Variants in GALNT13 observed in about 807,000 individuals in gnomAD.
The protein encoded by GALNT13 is UDP-GalNAc:polypeptide N-acetylgalactosaminyltransferase 13.
A neutral mutation model predicts 64.2 loss-of-function variants in GALNT13; 28 were observed. The observed-to-expected ratio is 0.44, with a 90% confidence interval of 0.32 to 0.60. GALNT13 has a LOEUF of 0.60. GALNT13 is among the 20% of genes least tolerant of loss of function. The pLI, the probability that GALNT13 is intolerant of heterozygous loss-of-function variation, is 0.05. For synonymous variants in GALNT13, 214 were observed against 224.6 expected (o/e 0.95, Z 0.42); for missense variants, 577 against 669.8 (o/e 0.86, Z 1.53).
the GALNT13 span, among the ~76,000 whole-genome samples, chr2:153,399,815 A>T: frequency 6.6e-6 from 1 of 152,038 alleles, no homozygotes; most frequent in Non-Finnish European, 1.5e-5. Flanking sequence ...CAGCTTAAGG[A>T]GATTTTGGGC....
In GALNT13 at chr2:154,278,811, G is replaced by T. The variant is rs547664145; in HGVS notation, c.975+19673G>T. Among the ~76,000 whole-genome samples, 3 of 152,108 alleles carry T rather than the reference G, an allele frequency of 2.0e-5. No individual in the cohort carries two copies. In the East Asian group the frequency reaches 5.8e-4, roughly 29 times the overall value. On this transcript the variant is annotated intron_variant, in intron 8 of 12. Coordinates refer to ENST00000392825, the MANE Select transcript of GALNT13 (RefSeq NM_052917.4). ...TGGATTGTGAAAACATGTAGTGGGGGAAAAATCTTTTTAAGACATTTGCCC... is the reference window on the plus strand; with the variant it reads ...TGGATTGTGAAAACATGTAGTGGGGTAAAAATCTTTTTAAGACATTTGCCC...
intron 4 of GALNT13, among the ~76,000 whole-genome samples, chr2:154,202,273 T>G (rs967764641): frequency 6.6e-6 from 1 of 152,080 alleles, no homozygotes; most frequent in Non-Finnish European, 1.5e-5. Context: ...AGGTAATATT[T>G]GATCTAGATT....
chr2:154,307,432 T>A (rs1693799247), intron 9 of GALNT13, among the ~76,000 whole-genome samples: 1 of 152,236 alleles, frequency 6.6e-6, no homozygotes, highest in Non-Finnish European at 1.5e-5. Context: ...AATAGCTTCA[T>A]GTGTGAATAC....
the GALNT13 span, among the ~76,000 whole-genome samples, chr2:153,614,023 AAAAAG>A: frequency 2.0e-5 from 3 of 152,078 alleles, no homozygotes; most frequent in South Asian, 2.1e-4. Context: ...ATAATAAAAA[AAAAAG>A]AAAAGTGTTT....
At chr2:154,143,535 T>G (rs560266730) in intron 4 of GALNT13, among the ~76,000 whole-genome samples, 3 of 137,428 alleles carry the variant, frequency 2.2e-5, no homozygotes, top group Admixed American at 7.4e-5. Context: ...GTTTAAAATA[T>G]TCATAGCCAG....
the GALNT13 span, among the ~76,000 whole-genome samples, chr2:153,330,910 G>T: frequency 6.6e-6 from 1 of 152,024 alleles, no homozygotes; most frequent in African/African-American, 2.4e-5. Flanking sequence ...GTTGGCTGTG[G>T]GTTTGTCATA....
At chr2:154,358,844 T>A (rs1435888079) in intron 9 of GALNT13, among the ~76,000 whole-genome samples, 3 of 152,148 alleles carry the variant, frequency 2.0e-5, no homozygotes, top group Non-Finnish European at 2.9e-5. Flanking sequence ...GTGACTTGCA[T>A]TCATAGTACT....
chr2:154,355,421 T>C (rs1379146704), intron 9 of GALNT13, among the ~76,000 whole-genome samples: 1 of 152,150 alleles, frequency 6.6e-6, no homozygotes, highest in Non-Finnish European at 1.5e-5. Context: ...AGTTCTTAAA[T>C]AGTTTTAGTT....
At chr2:153,424,143 C>T in the GALNT13 span, among the ~76,000 whole-genome samples, 2 of 150,084 alleles carry the variant, frequency 1.3e-5, no homozygotes, top group Non-Finnish European at 3.0e-5. Flanking sequence ...TTGATCTGTT[C>T]AGTAAATGAT....
the GALNT13 span, among the ~76,000 whole-genome samples, chr2:153,114,002 C>G: frequency 6.6e-6 from 1 of 152,012 alleles, no homozygotes; most frequent in African/African-American, 2.4e-5. Context: ...TCATTTGTTG[C>G]CAATACCAGC....
chr2:153,540,507 G>C, the GALNT13 span, among the ~76,000 whole-genome samples: 1 of 152,214 alleles, frequency 6.6e-6, no homozygotes, highest in African/African-American at 2.4e-5. Context: ...GCTGTGAGGA[G>C]AGGGCCACCA....
intron 8 of GALNT13, among the ~76,000 whole-genome samples, chr2:154,294,554 A>G (rs1692812417): frequency 6.6e-6 from 1 of 152,202 alleles, no homozygotes; most frequent in South Asian, 2.1e-4. Flanking sequence ...TATGAAAAAG[A>G]CAGACAGATT....
At chr2:153,610,301 C>G in the GALNT13 span, among the ~76,000 whole-genome samples, 1 of 151,990 alleles carries the variant, frequency 6.6e-6, no homozygotes, top group African/African-American at 2.4e-5. Context: ...GAATTTGAAA[C>G]AGAAAACAGG....
the GALNT13 span, among the ~76,000 whole-genome samples, chr2:153,248,918 A>C: frequency 6.6e-6 from 1 of 152,270 alleles, no homozygotes; most frequent in African/African-American, 2.4e-5. Flanking sequence ...CCCAGAACAA[A>C]TATCATACAG....
chr2:153,891,621 G>T (rs1687557963), intron 1 of GALNT13, among the ~76,000 whole-genome samples: 1 of 151,946 alleles, frequency 6.6e-6, no homozygotes, highest in South Asian at 2.1e-4. Flanking sequence ...CTCAGTCAAG[G>T]TTGTGCTTAA....
chr2:154,132,894 C>CAA (rs5835498), intron 3 of GALNT13, among the ~76,000 whole-genome samples: 11,545 of 132,254 alleles, frequency 0.087, 945 homozygotes, highest in African/African-American at 0.22. Flanking sequence ...GACTCTGTCT[C>CAA]AAAAAAAAAA....
chr2:154,226,538 A>G (rs1358132678), intron 4 of GALNT13, among the ~76,000 whole-genome samples: 2 of 152,202 alleles, frequency 1.3e-5, no homozygotes, highest in Non-Finnish European at 2.9e-5. Flanking sequence ...CTGTGCATGG[A>G]GAAATATGCA....
intron 10 of GALNT13, among the ~76,000 whole-genome samples, chr2:154,399,291 G>A (rs1458235632): frequency 6.6e-6 from 1 of 152,040 alleles, no homozygotes; most frequent in Non-Finnish European, 1.5e-5. Flanking sequence ...CTATGTCTTA[G>A]TCCATTAGGG....
chr2:154,029,777 CATT>C lies in GALNT13; in HGVS notation c.142+85140_142+85142del, dbSNP rs761362660. On this transcript the variant is annotated intron_variant, in intron 3 of 12. Transcript: ENST00000392825. ...GAGACAGAAAAGTTTTAATTACTGT[CATT>C]AATATTTTAAAGACTCAAATGGAAA... Among the ~76,000 whole-genome samples the C allele has an allele frequency of 7.9e-4, 120 of 152,162 alleles. 1 individual carries two copies. The highest frequency in any genetic ancestry group is 6.8e-3 in the Middle Eastern group (2 of 294).
Sources: gnomAD v4.1 joint callset for allele counts (sites outside exome capture counted in the v4.1 genomes callset) on GRCh38, gnomAD v4.1.1 for gene constraint, MANE v1.5 for transcripts, NCBI Gene and HGNC (gene_info 2026-07-23, HGNC 2026-07-21) for gene names.